Variants in TBX2 observed in about 807,000 individuals in gnomAD.
TBX2 encodes T-box transcription factor 2.
In TBX2, 19 loss-of-function variants were observed where a neutral mutation model predicts 48.4. The ratio of observed to expected loss-of-function variants is 0.39; its 90% confidence interval spans 0.27 to 0.58. The LOEUF (loss-of-function observed/expected upper bound fraction) is 0.58, where lower values mean the gene tolerates loss of function less well. TBX2 is among the 20% of genes least tolerant of loss of function. TBX2 has a pLI of 0.54. For synonymous variants in TBX2, 522 were observed against 459.7 expected, an observed-to-expected ratio of 1.14 and a Z score of -1.73; for missense variants, 994 against 1,006.5, an observed-to-expected ratio of 0.99 and a Z score of 0.17.
chr17:61,402,521 C>G (rs1436375514), intron 2 of TBX2, among the ~76,000 whole-genome samples: 2 of 151,642 alleles, frequency 1.3e-5, no homozygotes, highest in Non-Finnish European at 2.9e-5. Context: ...GAGCAAGGCC[C>G]CAGCGAACGG....
At position 61,406,113 on chromosome 17, in the gene TBX2, T is replaced by G; in HGVS notation, c.1686+277T>G. ...CTCTCTGGGCCTGCTTCCTTCCCTA[T>G]AGCCCCAGCGAGGAGTGCGGTGCCC... On this transcript the variant is annotated intron_variant, in intron 6 of 6. Transcript: ENST00000240328. This position sits in a 1 kb window ranked among gnomAD's most constrained non-coding sequence, Gnocchi z 5.7. 6.1e-5 allele frequency: 20 copies of G among 326,392 alleles called. No individual in the cohort carries two copies. The highest frequency in any genetic ancestry group is 1.9e-4 in the East Asian group (4 of 20,758). The allele number at this position is 326,392 out of a possible 1,614,324, so 20.2% of individuals were successfully genotyped here.
Position 61,400,452 on chromosome 17 carries a change from CA to C in TBX2, c.278del (p.Lys93ArgfsTer15). On this transcript the variant is annotated frameshift_variant, in exon 1 of 7. Transcript: ENST00000240328. LOFTEE classifies it high-confidence loss of function. The surrounding 1 kb of genome is among the most constrained non-coding windows in gnomAD (Gnocchi z 9.2). Reference protein sequence around the residue: ...HPPAAHLRSLKSLEPEDEVED... With the variant: ...HPPAAHLRSLXSLEPEDEVED... ...CGCCCGCCGCGCATCTGCGCTCCCTCAAGAGCCTGGAGCCCGAGGACGAGGT... is the reference window on the plus strand; with the variant it reads ...CGCCCGCCGCGCATCTGCGCTCCCTCAGAGCCTGGAGCCCGAGGACGAGGT... 1 of 1,594,462 alleles carries C rather than the reference CA, an allele frequency of 6.3e-7. No homozygotes were observed. Among genetic ancestry groups the C allele is most frequent in the South Asian group, 1.1e-5 (1 of 88,010 alleles).
In TBX2 at chr17:61,401,822, C is replaced by G. The variant is rs757813395; in HGVS notation, c.534C>G (p.Ala178=). Residue 178 remains alanine, a synonymous_variant, in exon 2 of 7, where the codon GCC becomes GCG. Coordinates refer to ENST00000240328, the MANE Select transcript of TBX2 (RefSeq NM_005994.4). ...CGCGCTGGATGGTGGCGGGCAAGGC[C>G]GACCCTGAGATGCCCAAACGCATGT... ...HNSRWMVAGK[A]DPEMPKRMYI... The G allele has an allele frequency of 2.5e-6, 4 of 1,613,094 alleles. No homozygotes were observed. In the South Asian group the frequency reaches 4.4e-5, roughly 18 times the overall value.
rs1172700011 is a variant in TBX2, at chr17:61,403,087, C to T, written c.690C>T (p.Tyr230=). 1.4e-5 allele frequency: 23 copies of T among 1,613,446 alleles called. No homozygotes were observed. Among genetic ancestry groups the T allele is most frequent in the Non-Finnish European group, 1.9e-5 (23 of 1,179,976 alleles). ...CCATCCTAAACTCCATGCACAAGTA[C>T]CAGCCGCGCTTCCACATAGTGCGAG... The part of the protein sequence containing the change: ...GFTILNSMHK[Y]QPRFHIVRAN... Residue 230 remains tyrosine (Y), a synonymous_variant, in exon 3 of 7, where the codon TAC becomes TAT. Transcript: ENST00000240328. This position sits in a 1 kb window ranked among gnomAD's most constrained non-coding sequence, Gnocchi z 5.8.
At chr17:61,404,397 G>C (rs777238051) in intron 3 of TBX2, 24 bp from the exon 4 acceptor site, 2 of 1,586,904 alleles carry the variant, frequency 1.3e-6, no homozygotes, top group African/African-American at 1.3e-5. Context: ...GCCTGACTTA[G>C]CGCCGCCCCC....
In TBX2 at chr17:61,406,566, G is replaced by A. The variant is rs533804932; in HGVS notation, c.1686+730G>A. The stretch of plus-strand genomic sequence containing the variant: ...GACAGTGGCCTCTTTGGTTGCTTGG[G>A]TGGAATATTCCCTGTGGAAAGATTT... On this transcript the variant is annotated intron_variant, in intron 6 of 6. Transcript: ENST00000240328. The surrounding 1 kb of genome is among the most constrained non-coding windows in gnomAD (Gnocchi z 5.7). The A allele has an allele frequency of 1.2e-4, 18 of 152,272 alleles. No individual in the cohort carries two copies. Among genetic ancestry groups the A allele is most frequent in the African/African-American group, 3.9e-4 (16 of 41,526 alleles). 9.4% of individuals were successfully genotyped at this position (152,272 alleles called of 1,614,324 possible). A position where few individuals can be genotyped will look rare whatever the true frequency, so the allele number is the denominator to read the frequency against.
At position 61,408,341 on chromosome 17, in the gene TBX2, C is replaced by T. The variant is rs1360603673; in HGVS notation, c.1974C>T (p.Pro658=). Residue 658 remains proline (P), a synonymous_variant, in exon 7 of 7, where the codon CCC becomes CCT. Transcript: ENST00000240328. ...AAGGNSREPS[P]LPELALRKVG... The stretch of plus-strand genomic sequence containing the variant: ...GTGGAAACAGCCGGGAGCCTAGCCC[C>T]CTGCCCGAGCTGGCTCTCCGCAAAG... The T allele has an allele frequency of 1.2e-6, 2 of 1,601,100 alleles. No individual in the cohort carries two copies. Among genetic ancestry groups the T allele is most frequent in the Non-Finnish European group, 1.7e-6 (2 of 1,174,854 alleles).
Position 61,401,870 on chromosome 17 carries a change from C to G in TBX2, c.582C>G (p.Ala194=). 6.2e-7 allele frequency: 1 copy of G among 1,613,048 alleles called. No homozygotes were observed. Among genetic ancestry groups the G allele is most frequent in the Non-Finnish European group, 8.5e-7 (1 of 1,179,998 alleles). The change falls in exon 2 of 7, where the codon GCC becomes GCG. Residue 194 remains alanine, a synonymous_variant. Coordinates refer to ENST00000240328, the MANE Select transcript of TBX2 (RefSeq NM_005994.4). The stretch of plus-strand genomic sequence containing the variant: ...TGTACATCCACCCAGACAGCCCAGC[C>G]ACGGGGGAGCAGTGGATGGCTAAGC... ...KRMYIHPDSP[A]TGEQWMAKPV... is the part of the protein sequence containing the mutation.
At chr17:61,401,072 G>GGGAGCCCTTTCTCCACCGCGGGCATC (rs2060262183) in intron 1 of TBX2, among the ~76,000 whole-genome samples, 2 of 152,110 alleles carry the variant, frequency 1.3e-5, no homozygotes, top group Admixed American at 6.5e-5. Context: ...TCACCGGGCT[G>GGGAGCCCTTTCTCCACCGCGGGCATC]GGAGCCCTTT....
rs745919438 is a variant in TBX2 at position 61,401,841 on chromosome 17, C to G, written c.553C>G (p.Arg185Gly). 6.2e-7 allele frequency: 1 copy of G among 1,612,966 alleles called. No individual in the cohort carries two copies. Among genetic ancestry groups the G allele is most frequent in the Non-Finnish European group, 8.5e-7 (1 of 1,180,040 alleles). Residue 185 changes from arginine (R) to glycine (G), a missense_variant, in exon 2 of 7, where the codon CGC (arginine) becomes GGC (glycine). Transcript: ENST00000240328. ...CAAGGCCGACCCTGAGATGCCCAAA[C>G]GCATGTACATCCACCCAGACAGCCC... ...AGKADPEMPKRMYIHPDSPAT... is the reference protein window; with the variant it reads ...AGKADPEMPKGMYIHPDSPAT...
chr17:61,402,718 A>C (rs2060268807), intron 2 of TBX2, among the ~76,000 whole-genome samples: 1 of 150,220 alleles, frequency 6.7e-6, no homozygotes, highest in Non-Finnish European at 1.5e-5. Flanking sequence ...TTTTGTGGGG[A>C]GGGGTTGTTT....
Position 61,403,069 on chromosome 17 carries a change from A to C in TBX2, c.672A>C (p.Leu224=), listed in dbSNP as rs2060271455. ...CCCCACCCTCCCCGCAGACCATCCT[A>C]AACTCCATGCACAAGTACCAGCCGC... ...NISDKHGFTI[L]NSMHKYQPRF... Residue 224 remains leucine (L), a synonymous_variant, in exon 3 of 7, where the codon CTA becomes CTC. Coordinates refer to ENST00000240328, the MANE Select transcript of TBX2 (RefSeq NM_005994.4). The surrounding 1 kb of genome is among the most constrained non-coding windows in gnomAD (Gnocchi z 5.8). 1.9e-6 allele frequency: 3 copies of C among 1,612,344 alleles called. No homozygotes were observed. In the South Asian group the frequency reaches 3.3e-5, roughly 18 times the overall value.
chr17:61,405,361 G>C lies in TBX2; in HGVS notation c.1211G>C (p.Arg404Thr). Reference protein sequence around the residue: ...ERARERRSPERGKEPAESGGD... With the variant: ...ERARERRSPETGKEPAESGGD... ...GCCCGGGAGCGGCGTAGTCCCGAGAGGGGCAAGGAGCCGGCCGAGAGCGGC... is the reference window on the plus strand; with the variant it reads ...GCCCGGGAGCGGCGTAGTCCCGAGACGGGCAAGGAGCCGGCCGAGAGCGGC... Residue 404 changes from arginine to threonine, a missense_variant, in exon 6 of 7, where the codon AGG becomes ACG. Coordinates refer to ENST00000240328, the MANE Select transcript of TBX2 (RefSeq NM_005994.4). 1.9e-6 allele frequency: 3 copies of C among 1,547,322 alleles called. No homozygotes were observed. The highest frequency in any genetic ancestry group is 2.4e-5 in the South Asian group (2 of 84,562).
At position 61,408,556 on chromosome 17, in the gene TBX2, C is replaced by T; in HGVS notation, c.*50C>T. ...CACGCAGGCCACCCGGGCTGCCTGC[C>T]CCTGCTGCTTGGGACGTGTACAGCA... On this transcript the variant is annotated 3_prime_UTR_variant, in exon 7 of 7. Coordinates refer to ENST00000240328, the MANE Select transcript of TBX2 (RefSeq NM_005994.4). 2 of 1,413,564 alleles carry T rather than the reference C, an allele frequency of 1.4e-6. No individual in the cohort carries two copies. Among genetic ancestry groups the T allele is most frequent in the East Asian group, 5.1e-5 (2 of 38,972 alleles). The allele number at this position is 1,413,564 out of a possible 1,614,324, so 87.6% of individuals were successfully genotyped here. A position where few individuals can be genotyped will look rare whatever the true frequency, so the allele number is the denominator to read the frequency against.
At position 61,408,481 on chromosome 17, in the gene TBX2, C is replaced by T; in HGVS notation, c.2114C>T (p.Ser705Phe). 2 of 1,448,428 alleles carry T rather than the reference C, an allele frequency of 1.4e-6. No individual in the cohort carries two copies. The highest frequency in any genetic ancestry group is 2.8e-5 in the Admixed American group (1 of 36,174). The allele number at this position is 1,448,428 out of a possible 1,614,324, so 89.7% of individuals were successfully genotyped here. ...VSGLESQRAL[S>F]PGRESPK Reference sequence around the variant, plus strand: ...GGGCTGGAGAGCCAGCGAGCCCTCTCCCCAGGCCGGGAGTCGCCCAAGTGA... The same window carrying T: ...GGGCTGGAGAGCCAGCGAGCCCTCTTCCCAGGCCGGGAGTCGCCCAAGTGA... The change falls in exon 7 of 7, where the codon TCC (serine) becomes TTC (phenylalanine). Residue 705 changes from serine to phenylalanine, a missense_variant. Around this residue, in one of 5 missense-constraint regions of TBX2, gnomAD observed 639 missense variants for 613.2 expected, o/e 1.04. Coordinates refer to ENST00000240328, the MANE Select transcript of TBX2 (RefSeq NM_005994.4).
Position 61,408,345 on chromosome 17 carries a change from C to A in TBX2, c.1978C>A (p.Pro660Thr), listed in dbSNP as rs2060297227. The change falls in exon 7 of 7, where the codon CCC becomes ACC. Residue 660 changes from proline (P) to threonine (T), a missense_variant. By Grantham distance (38) the Pro-to-Thr change is conservative. Coordinates refer to ENST00000240328, the MANE Select transcript of TBX2 (RefSeq NM_005994.4). ...AAACAGCCGGGAGCCTAGCCCCCTG[C>A]CCGAGCTGGCTCTCCGCAAAGTAGG... Reference protein sequence around the residue: ...GGNSREPSPLPELALRKVGAP... With the variant: ...GGNSREPSPLTELALRKVGAP... The A allele has an allele frequency of 6.3e-7, 1 of 1,597,570 alleles. No homozygotes were observed. Among genetic ancestry groups the A allele is most frequent in the African/African-American group, 1.3e-5 (1 of 74,364 alleles).
In TBX2 at chr17:61,403,326, C is replaced by G. The variant is rs373585284; in HGVS notation, c.810+119C>G. On this transcript the variant is annotated intron_variant, in intron 3 of 6. Coordinates refer to ENST00000240328, the MANE Select transcript of TBX2 (RefSeq NM_005994.4). The surrounding 1 kb of genome is among the most constrained non-coding windows in gnomAD (Gnocchi z 5.8). ...GCACGGGATCCGCGCTCTTGCGGCC[C>G]GCCCCCGAGCACCGAGCCTCGCATC... is the stretch of plus-strand genomic sequence containing the variant. 1 of 1,462,274 alleles carries G rather than the reference C, an allele frequency of 6.8e-7. No individual in the cohort carries two copies. The allele number at this position is 1,462,274 out of a possible 1,614,324, so 90.6% of individuals were successfully genotyped here.
Position 61,400,632 on chromosome 17 carries a change from G to A in TBX2, c.395+61G>A. 1 of 1,498,114 alleles carries A rather than the reference G, an allele frequency of 6.7e-7. No homozygotes were observed. The highest frequency in any genetic ancestry group is 2.0e-5 in the Admixed American group (1 of 50,206). The allele number at this position is 1,498,114 out of a possible 1,614,324, so 92.8% of individuals were successfully genotyped here. ...GGCGGGCGGGCTGGGGCACGGGACT[G>A]CACGGATCAGAGCAGAGCTGGGGAC... On this transcript the variant is annotated intron_variant, in intron 1 of 6. Transcript: ENST00000240328. This position sits in a 1 kb window ranked among gnomAD's most constrained non-coding sequence, Gnocchi z 9.2.
intron 4 of TBX2, 21 bp from the exon 5 acceptor site, chr17:61,404,585 G>C (rs1428296933): frequency 6.3e-7 from 1 of 1,591,160 alleles, no homozygotes; most frequent in Admixed American, 1.7e-5. Context: ...CCGCTGACCT[G>C]GTTCATCCGC....
Sources: gnomAD v4.1 joint callset for allele counts (sites outside exome capture counted in the v4.1 genomes callset) on GRCh38, gnomAD v4.1.1 for gene constraint, gnomAD v4.1.1 regional missense constraint, Gnocchi (gnomAD v3.1) non-coding constraint, MANE v1.5 for transcripts, NCBI Gene and HGNC (gene_info 2026-07-23, HGNC 2026-07-21) for gene names.